Variants in ANK3 observed in about 807,000 individuals in gnomAD.
ANK3 encodes the protein ankyrin-3.
In ANK3, 57 loss-of-function variants were observed where a neutral mutation model predicts 370.9. The observed-to-expected ratio is 0.15, with a 90% confidence interval of 0.12 to 0.19. The LOEUF (loss-of-function observed/expected upper bound fraction) is 0.19, where lower values mean the gene tolerates loss of function less well. ANK3 is among the 10% of genes least tolerant of loss of function. ANK3 has a pLI of 1.00. For synonymous variants in ANK3, 1,929 were observed against 1,946.3 expected (o/e 0.99, Z 0.23); for missense variants, 4,439 against 5,302.1 (o/e 0.84, Z 5.06).
intron 2 of ANK3, among the ~76,000 whole-genome samples, chr10:60,416,020 C>G (rs1181951956): frequency 6.9e-6 from 1 of 145,278 alleles, no homozygotes; most frequent in Non-Finnish European, 1.5e-5. Context: ...GGGTGGAGTC[C>G]TCATGAATAG....
chr10:60,154,102 C>A (rs554993113), intron 23 of ANK3, among the ~76,000 whole-genome samples: 1 of 152,316 alleles, frequency 6.6e-6, no homozygotes, highest in South Asian at 2.1e-4. Context: ...CTGAGAGATA[C>A]AAGCAATTAT....
At chr10:60,091,944 T>C (rs1160350727) in intron 28 of ANK3, among the ~76,000 whole-genome samples, 1 of 152,102 alleles carries the variant, frequency 6.6e-6, no homozygotes, top group African/African-American at 2.4e-5. Flanking sequence ...TTGGCCAGGA[T>C]GGTCTCGATC....
At position 60,068,888 on chromosome 10, in the gene ANK3, T is replaced by A. The variant is rs1453208796; in HGVS notation, c.11993A>T (p.Glu3998Val). The A allele has an allele frequency of 6.2e-7, 1 of 1,614,164 alleles. No individual in the cohort carries two copies. Among genetic ancestry groups the A allele is most frequent in the South Asian group, 1.1e-5 (1 of 91,076 alleles). The change falls in exon 37 of 44, where the codon GAA (glutamate) becomes GTA (valine). Residue 3998 changes from glutamate (E) to valine (V), a missense_variant. Glu to Val is a moderately radical substitution (Grantham distance 121). Transcript: ENST00000280772. ...CTCACCACTAATTCCCTTAAAATAT[T>A]CAATGGAATGTTTACATACTTCCTT... ...QLKEVCKHSI[E>V]YFKGISGETL...
At chr10:60,703,458 G>A (rs1589051831) in intron 1 of ANK3, among the ~76,000 whole-genome samples, 1 of 152,176 alleles carries the variant, frequency 6.6e-6, no homozygotes, top group African/African-American at 2.4e-5. Flanking sequence ...CAGGTAGATG[G>A]GAGTTCATTC....
intron 2 of ANK3, among the ~76,000 whole-genome samples, chr10:60,553,093 T>A (rs2077126518): frequency 6.6e-6 from 1 of 152,174 alleles, no homozygotes; most frequent in South Asian, 2.1e-4. Context: ...GAGAATGGAC[T>A]AATACAGTGA....
chr10:60,301,214 T>C (rs1372012283), intron 1 of ANK3, among the ~76,000 whole-genome samples: 1 of 146,242 alleles, frequency 6.8e-6, no homozygotes, highest in African/African-American at 2.5e-5. Flanking sequence ...ATACTATATA[T>C]GTATGTATGT....
chr10:60,221,547 C>T (rs570684624), intron 8 of ANK3, among the ~76,000 whole-genome samples: 1 of 152,122 alleles, frequency 6.6e-6, no homozygotes, highest in East Asian at 1.9e-4. Context: ...AAAGTCAAAC[C>T]CTTTTCTTGT....
chr10:60,519,150 G>T (rs2133178158), intron 2 of ANK3, among the ~76,000 whole-genome samples: 1 of 152,282 alleles, frequency 6.6e-6, no homozygotes, highest in South Asian at 2.1e-4. Flanking sequence ...CTATGGAGCT[G>T]AGAGGAGCCC....
At chr10:60,600,698 T>C (rs141466494) in intron 2 of ANK3, among the ~76,000 whole-genome samples, 32 of 152,254 alleles carry the variant, frequency 2.1e-4, no homozygotes, top group African/African-American at 6.3e-4. Context: ...CCCCAAAATA[T>C]GTGAGTGCAT....
rs1424660470 is a variant in ANK3 at position 60,069,405 on chromosome 10, CTT to C, written c.11474_11475del (p.Lys3825SerfsTer18). On this transcript the variant is annotated frameshift_variant, in exon 37 of 44. Transcript: ENST00000280772. LOFTEE classifies it high-confidence loss of function. ...TCTTEKDNPV[K>X]VSSGKKTGVL... is the part of the protein sequence containing the mutation. ...ACCCCTGTCTTTTTTCCTGATGAGA[CTT>C]TCACTGGGTTATCTTTCTCTGTGGT... is the stretch of plus-strand genomic sequence containing the variant. 6.2e-7 allele frequency: 1 copy of C among 1,613,696 alleles called. No individual in the cohort carries two copies.
chr10:60,182,010 T>C (rs565962140), intron 17 of ANK3, among the ~76,000 whole-genome samples: 72 of 152,128 alleles, frequency 4.7e-4, no homozygotes, highest in Non-Finnish European at 9.7e-4. Context: ...TTTGTGGCAA[T>C]ATTAACACAA....
chr10:60,063,226 T>G lies in ANK3; in HGVS notation c.12480A>C (p.Lys4160Asn). The G allele has an allele frequency of 1.9e-6, 3 of 1,608,828 alleles. No homozygotes were observed. The highest frequency in any genetic ancestry group is 2.5e-6 in the Non-Finnish European group (3 of 1,178,476). Residue 4160 changes from lysine to asparagine, a missense_variant, in exon 40 of 44, where the codon AAA (lysine) becomes AAC (asparagine). Around this residue, in one of 13 missense-constraint regions of ANK3, gnomAD observed 99 missense variants for 150.7 expected, o/e 0.66. Transcript: ENST00000280772. ...TTDALTSVLT[K>N]INRIDIVTLL... The stretch of plus-strand genomic sequence containing the variant: ...GTGTCACTATATCTATTCGATTAAT[T>G]TTTGTCAAGACCGAAGTTAAGGCAT...
chr10:60,263,781 TG>T, intron 6 of ANK3, 53 bp downstream of exon 6: 2 of 1,603,732 alleles, frequency 1.2e-6, no homozygotes, highest in Non-Finnish European at 1.7e-6. Flanking sequence ...TCTTAAAGGT[TG>T]TGTGTCTAAC....
At chr10:60,525,063 C>T (rs2076437226) in intron 2 of ANK3, among the ~76,000 whole-genome samples, 1 of 152,114 alleles carries the variant, frequency 6.6e-6, no homozygotes, top group Non-Finnish European at 1.5e-5. Context: ...TTTCATCTGA[C>T]ATTAATTTCT....
At chr10:60,230,709 T>C (rs937950846) in intron 8 of ANK3, among the ~76,000 whole-genome samples, 4 of 152,170 alleles carry the variant, frequency 2.6e-5, no homozygotes, top group Admixed American at 2.0e-4. Context: ...GCTAACACGG[T>C]GAAACCCCAT....
intron 2 of ANK3, among the ~76,000 whole-genome samples, chr10:60,404,994 C>T (rs957393504): frequency 6.6e-6 from 1 of 152,038 alleles, no homozygotes; most frequent in Non-Finnish European, 1.5e-5. Context: ...TATCATCTAC[C>T]AGAAAGGCTA....
At chr10:60,616,736 T>C (rs2078272699) in intron 1 of ANK3, among the ~76,000 whole-genome samples, 2 of 152,250 alleles carry the variant, frequency 1.3e-5, no homozygotes, top group South Asian at 2.1e-4. Context: ...AGGAACAAAC[T>C]TTTTTCATGG....
At chr10:60,247,285 G>A (rs1221146267) in intron 7 of ANK3, among the ~76,000 whole-genome samples, 1 of 152,114 alleles carries the variant, frequency 6.6e-6, no homozygotes, top group Non-Finnish European at 1.5e-5. Context: ...CCAAAGTGCT[G>A]GGATTACAGG....
intron 1 of ANK3, among the ~76,000 whole-genome samples, chr10:60,683,229 A>T (rs1470038403): frequency 6.6e-6 from 1 of 152,234 alleles, no homozygotes; most frequent in Non-Finnish European, 1.5e-5. Context: ...TGTTATCACA[A>T]CATCTGTTTA....
Sources: allele counts gnomAD v4.1 joint callset (sites outside exome capture counted in the v4.1 genomes callset), GRCh38; gene constraint gnomAD v4.1.1; regional missense constraint gnomAD v4.1.1; transcripts MANE v1.5; gene names NCBI Gene and HGNC (gene_info 2026-07-23, HGNC 2026-07-21).